The following IPO11 variants were observed in gnomAD, a reference collection of about 807,000 sequenced individuals.
The protein encoded by IPO11 is importin-11.
A neutral mutation model predicts 143.2 loss-of-function variants in IPO11; 66 were observed. The observed-to-expected ratio is 0.46, with a 90% CI of 0.38 to 0.57. The LOEUF is 0.57. Among genes scored for constraint, IPO11 ranks in the 20% least tolerant of loss-of-function variants. The probability of loss-of-function intolerance (pLI) is 0.00; values close to 1 mark genes in which losing one functional copy is unlikely to be tolerated. For missense variants in IPO11, 1,026 were observed against 1,141.0 expected (o/e 0.90, Z 1.45); for synonymous variants, 385 against 377.8 (o/e 1.02, Z -0.22).
chr5:62,441,475 G>GC (rs1217128277), intron 2 of IPO11, among the ~76,000 whole-genome samples: 2 of 133,034 alleles, frequency 1.5e-5, no homozygotes, highest in East Asian at 4.6e-4. Context: ...GGGATTACAG[G>GC]CATGAGCCAC....
At chr5:62,487,351 A>T (rs1288461123) in intron 12 of IPO11, among the ~76,000 whole-genome samples, 3 of 152,030 alleles carry the variant, frequency 2.0e-5, no homozygotes, top group Non-Finnish European at 2.9e-5. Context: ...AGCCGAAATC[A>T]CACCACTGCA....
At chr5:62,442,430 A>G (rs1288295486) in intron 2 of IPO11, among the ~76,000 whole-genome samples, 3 of 152,228 alleles carry the variant, frequency 2.0e-5, no homozygotes, top group African/African-American at 4.8e-5. Flanking sequence ...ATGACTCTAC[A>G]TGTGTGTTAC....
At chr5:62,595,963 A>G (rs1745195818) in intron 28 of IPO11, among the ~76,000 whole-genome samples, 2 of 151,908 alleles carry the variant, frequency 1.3e-5, no homozygotes, top group Non-Finnish European at 2.9e-5. Flanking sequence ...GTAAAAAGGA[A>G]GAAAGAATTT....
chr5:62,469,785 A>T (rs978495174), intron 6 of IPO11, among the ~76,000 whole-genome samples: 7 of 152,166 alleles, frequency 4.6e-5, no homozygotes, highest in Non-Finnish European at 8.8e-5. Flanking sequence ...GAAATGTCAC[A>T]GTTGAGCAGT....
intron 9 of IPO11, among the ~76,000 whole-genome samples, chr5:62,482,249 T>C (rs1695843359): frequency 6.6e-6 from 1 of 152,230 alleles, no homozygotes; most frequent in Non-Finnish European, 1.5e-5. Context: ...CCTGGATTCA[T>C]TGATTTTTTG....
intron 15 of IPO11, among the ~76,000 whole-genome samples, chr5:62,491,121 C>T (rs772623850): frequency 1.7e-4 from 26 of 152,006 alleles, no homozygotes; most frequent in Non-Finnish European, 2.9e-4. Context: ...TTCAGTATAC[C>T]TGGGGCCTAT....
intron 1 of IPO11, among the ~76,000 whole-genome samples, chr5:62,433,612 A>G (rs941320496): frequency 1.3e-5 from 2 of 152,172 alleles, no homozygotes; most frequent in African/African-American, 4.8e-5. Flanking sequence ...AGGTGCCCCA[A>G]AAATGTATGA....
chr5:62,423,363 T>C (rs974607208), intron 1 of IPO11, among the ~76,000 whole-genome samples: 11 of 152,080 alleles, frequency 7.2e-5, no homozygotes, highest in Non-Finnish European at 2.9e-5. Context: ...TATAGATGAG[T>C]AAAACATCAT....
chr5:62,449,190 G>A (rs1423129880), intron 3 of IPO11, among the ~76,000 whole-genome samples: 1 of 152,162 alleles, frequency 6.6e-6, no homozygotes, highest in East Asian at 1.9e-4. Flanking sequence ...CTGAGCCACT[G>A]TGCCTGGCCT....
intron 1 of IPO11, among the ~76,000 whole-genome samples, chr5:62,418,519 A>G (rs1743381469): frequency 1.3e-5 from 2 of 152,244 alleles, no homozygotes; most frequent in Admixed American, 6.5e-5. Flanking sequence ...GTATAGTGCT[A>G]TGAACAGCAT....
chr5:62,449,870 T>A, intron 3 of IPO11, 57 bp from the exon 4 acceptor site: 1 of 1,109,648 alleles, frequency 9.0e-7, no homozygotes, highest in African/African-American at 1.6e-5. Context: ...AATGCTTACC[T>A]ACATTTATTA....
At chr5:62,496,470 T>C (rs1326109772) in intron 16 of IPO11, among the ~76,000 whole-genome samples, 1 of 152,218 alleles carries the variant, frequency 6.6e-6, no homozygotes, top group African/African-American at 2.4e-5. Flanking sequence ...ACTGTAACTA[T>C]TATTTTGCAA....
intron 29 of IPO11, among the ~76,000 whole-genome samples, chr5:62,621,303 A>G (rs1746360921): frequency 6.6e-6 from 1 of 152,176 alleles, no homozygotes; most frequent in African/African-American, 2.4e-5. Context: ...AGACACTTTG[A>G]AGGGCGAGGG....
At chr5:62,469,459 A>G (rs2112197097) in intron 6 of IPO11, among the ~76,000 whole-genome samples, 1 of 152,306 alleles carries the variant, frequency 6.6e-6, no homozygotes, top group East Asian at 1.9e-4. Flanking sequence ...CATAAACACT[A>G]TTTAAGGTAT....
chr5:62,454,252 A>T (rs1745045507), intron 5 of IPO11, among the ~76,000 whole-genome samples: 1 of 152,176 alleles, frequency 6.6e-6, no homozygotes, highest in Admixed American at 6.5e-5. Context: ...CTTTTGCTTG[A>T]TTTCTAGCGA....
In IPO11 at chr5:62,624,751, G is replaced by A. The variant is rs527937013; in HGVS notation, c.2764-2403G>A. On this transcript the variant is annotated intron_variant, in intron 29 of 29. Coordinates refer to ENST00000325324, the MANE Select transcript of IPO11 (RefSeq NM_016338.5). ...TGTAATCCCAGCACTTTGGGAGGCT[G>A]AGGTGGGCGGATCATGAGGTCAGGA... Among the ~76,000 whole-genome samples the A allele has an allele frequency of 1.1e-4, 16 of 152,220 alleles. No individual in the cohort carries two copies. The East Asian group carries it at 3.1e-3, about 29-fold the overall frequency.
chr5:62,586,764 A>T (rs1232466012), intron 27 of IPO11, among the ~76,000 whole-genome samples: 1,165 of 81,566 alleles, frequency 0.014, 5 homozygotes, highest in South Asian at 0.019. Context: ...AAAAAAAAAA[A>T]AAAAATATAT....
intron 1 of IPO11, among the ~76,000 whole-genome samples, chr5:62,417,819 CGTT>C (rs768660219): frequency 7.2e-5 from 11 of 152,162 alleles, no homozygotes; most frequent in African/African-American, 1.2e-4. Flanking sequence ...ATGTCAAAAA[CGTT>C]GTGTATTTCA....
At chr5:62,545,001 T>C (rs1488376909) in intron 24 of IPO11, among the ~76,000 whole-genome samples, 2 of 152,030 alleles carry the variant, frequency 1.3e-5, no homozygotes, top group Admixed American at 1.3e-4. Flanking sequence ...AGAATCAATA[T>C]CGTGAAAATG....
Sources: allele counts gnomAD v4.1 joint callset (sites outside exome capture counted in the v4.1 genomes callset), GRCh38; gene constraint gnomAD v4.1.1; transcripts MANE v1.5; gene names NCBI Gene and HGNC (gene_info 2026-07-23, HGNC 2026-07-21).